The following RYR3 variants were observed in gnomAD, a reference collection of about 807,000 sequenced individuals.
The protein encoded by RYR3 is ryanodine receptor 3, also known as brain ryanodine receptor-calcium release channel.
In RYR3, 207 loss-of-function variants were observed where a neutral mutation model predicts 584.3. That is an observed-to-expected ratio of 0.35 (90% confidence interval 0.32 to 0.40). The LOEUF is 0.40. RYR3 is among the 10% of genes least tolerant of loss of function. RYR3 has a pLI of 1.00. For synonymous variants in RYR3, 2,416 were observed against 2,248.5 expected, an observed-to-expected ratio of 1.07 and a Z score of -2.11; for missense variants, 5,616 against 6,089.2, an observed-to-expected ratio of 0.92 and a Z score of 2.59.
intron 2 of RYR3, among the ~76,000 whole-genome samples, chr15:33,485,314 C>A (rs916897932): frequency 1.1e-4 from 16 of 152,036 alleles, no homozygotes; most frequent in African/African-American, 3.9e-4. Context: ...TAAAGACAAC[C>A]AATGAGGCAT....
At chr15:33,667,136 G>A (rs1321315436) in intron 36 of RYR3, among the ~76,000 whole-genome samples, 8 of 152,034 alleles carry the variant, frequency 5.3e-5, no homozygotes, top group Admixed American at 5.2e-4. Flanking sequence ...TAAGATCTTT[G>A]TGTAGAGTTC....
At chr15:33,811,510 CAA>C (rs34105459) in intron 72 of RYR3, among the ~76,000 whole-genome samples, 314 of 140,742 alleles carry the variant, frequency 2.2e-3, no homozygotes, top group African/African-American at 5.5e-3. Context: ...GACTCCGTCT[CAA>C]AAAAAAAAAA....
intron 38 of RYR3, among the ~76,000 whole-genome samples, chr15:33,681,654 C>T (rs1323604311): frequency 6.6e-6 from 1 of 152,220 alleles, no homozygotes; most frequent in Non-Finnish European, 1.5e-5. Context: ...GCTGACTTTT[C>T]AATCACTTAG....
intron 27 of RYR3, among the ~76,000 whole-genome samples, chr15:33,639,651 C>G (rs977485830): frequency 6.6e-6 from 1 of 152,194 alleles, no homozygotes. Flanking sequence ...CCAGTGGGAG[C>G]TGGGCCATGG....
rs546833009 is a variant in RYR3, at chr15:33,631,972, TCCTAGTA to T, written c.2867+682_2867+688del. Among the ~76,000 whole-genome samples, 8 of 152,250 alleles carry T rather than the reference TCCTAGTA, an allele frequency of 5.3e-5. No homozygotes were observed. The South Asian group carries it at 1.5e-3, about 28-fold the overall frequency. On this transcript the variant is annotated intron_variant, in intron 23 of 103. Transcript: ENST00000634891. ...CAAGATCCACTCTCACACACGCAAC[TCCTAGTA>T]CCAAGAAAAGCACATCTGACAGGCT...
In RYR3 at chr15:33,706,986, A is replaced by G. The variant is rs756509622; in HGVS notation, c.6551A>G (p.Asp2184Gly). The change falls in exon 43 of 104, where the codon GAT (aspartate) becomes GGT (glycine). Residue 2184 changes from aspartate to glycine, a missense_variant. Transcript: ENST00000634891. Reference protein sequence around the residue: ...CPMLLAKGYPDVGWNPIEGER... With the variant: ...CPMLLAKGYPGVGWNPIEGER... ...ATGCTTCTGGCCAAAGGATACCCTGATGTCGGCTGGAACCCCATTGAAGGG... is the reference window on the plus strand; with the variant it reads ...ATGCTTCTGGCCAAAGGATACCCTGGTGTCGGCTGGAACCCCATTGAAGGG... 1 of 1,613,858 alleles carries G rather than the reference A, an allele frequency of 6.2e-7. No individual in the cohort carries two copies. Among genetic ancestry groups the G allele is most frequent in the Non-Finnish European group, 8.5e-7 (1 of 1,179,920 alleles).
chr15:33,317,003 G>A (rs887431703), intron 1 of RYR3, among the ~76,000 whole-genome samples: 1 of 152,132 alleles, frequency 6.6e-6, no homozygotes, highest in African/African-American at 2.4e-5. Context: ...CAAGGCAGTG[G>A]GTGTGATAAT....
At chr15:33,518,702 T>C (rs2053732556) in intron 3 of RYR3, among the ~76,000 whole-genome samples, 1 of 152,204 alleles carries the variant, frequency 6.6e-6, no homozygotes, top group African/African-American at 2.4e-5. Flanking sequence ...AAAGGAGTTT[T>C]TTTGTTTAAC....
At chr15:33,773,690 A>G in intron 64 of RYR3, 75 bp downstream of exon 64, 1 of 970,924 alleles carries the variant, frequency 1.0e-6, no homozygotes, top group Non-Finnish European at 1.6e-6. Flanking sequence ...ACACTTAATG[A>G]TATCATTTCA....
rs377008103 is a variant in RYR3, at chr15:33,812,860, C to A, written c.10258-3C>A. The A allele has an allele frequency of 9.3e-6, 15 of 1,613,290 alleles. No individual in the cohort carries two copies. Among genetic ancestry groups the A allele is most frequent in the Non-Finnish European group, 1.3e-5 (15 of 1,179,566 alleles). ...CATCTTATGAGTATGCTTCAATTTT[C>A]AGTCTGATGACCCAGCTGTAAAATG... On this transcript the variant is annotated splice_polypyrimidine_tract_variant and splice_region_variant and intron_variant, in intron 72 of 103. Coordinates refer to ENST00000634891, the MANE Select transcript of RYR3 (RefSeq NM_001036.6).
chr15:33,774,839 C>T (rs2073882027), intron 64 of RYR3, among the ~76,000 whole-genome samples: 1 of 152,080 alleles, frequency 6.6e-6, no homozygotes, highest in Non-Finnish European at 1.5e-5. Context: ...GAAAAATCAA[C>T]CAAAAATTTT....
chr15:33,788,983 T>G (rs1008871098), intron 67 of RYR3, among the ~76,000 whole-genome samples: 1 of 152,100 alleles, frequency 6.6e-6, no homozygotes, highest in Admixed American at 6.5e-5. Flanking sequence ...GTTGTGTTTT[T>G]AGATAGAATG....
At chr15:33,723,282 CAGA>C (rs2068085275) in intron 44 of RYR3, among the ~76,000 whole-genome samples, 1 of 152,226 alleles carries the variant, frequency 6.6e-6, no homozygotes, top group African/African-American at 2.4e-5. Context: ...TTTGTAAAAA[CAGA>C]TAGTGCCTCC....
chr15:33,801,761 C>T (rs550191525), intron 68 of RYR3, 108 bp from the exon 69 acceptor site: 1 of 636,990 alleles, frequency 1.6e-6, no homozygotes, highest in East Asian at 2.7e-5. Flanking sequence ...TTGGAATCAC[C>T]TCGGCTGAGA....
chr15:33,314,827 C>T (rs1317969795), intron 1 of RYR3, among the ~76,000 whole-genome samples: 2 of 151,920 alleles, frequency 1.3e-5, no homozygotes, highest in Admixed American at 6.6e-5. Context: ...GGCGGGAGAA[C>T]GGCGTGAGCC....
intron 3 of RYR3, among the ~76,000 whole-genome samples, chr15:33,527,133 A>G (rs2054457078): frequency 1.3e-5 from 2 of 152,166 alleles, no homozygotes; most frequent in African/African-American, 4.8e-5. Flanking sequence ...CAGGTCATAC[A>G]GGGCAGTGAT....
At chr15:33,515,493 A>G (rs1387738832) in intron 3 of RYR3, among the ~76,000 whole-genome samples, 1 of 152,272 alleles carries the variant, frequency 6.6e-6, no homozygotes, top group Non-Finnish European at 1.5e-5. Flanking sequence ...CCTGTTGTAT[A>G]TGGAATGCCA....
intron 1 of RYR3, among the ~76,000 whole-genome samples, chr15:33,370,511 G>A (rs2040255075): frequency 6.6e-6 from 1 of 152,178 alleles, no homozygotes; most frequent in Non-Finnish European, 1.5e-5. Context: ...AAAGAATGCT[G>A]ACTCCCAGTT....
chr15:33,451,722 T>C lies in RYR3; in HGVS notation c.52-21697T>C, dbSNP rs185553109. ...TGGAATCCCATGCAAAGTGAGAGACTAAAAAAGTTGAAGCCTGAAAATTTG... is the reference window on the plus strand; with the variant it reads ...TGGAATCCCATGCAAAGTGAGAGACCAAAAAAGTTGAAGCCTGAAAATTTG... On this transcript the variant is annotated intron_variant, in intron 1 of 103. Transcript: ENST00000634891. 1.1e-4 allele frequency among the ~76,000 whole-genome samples: 17 copies of C among 152,316 alleles called. No homozygotes were observed. The East Asian group carries it at 3.3e-3, about 29-fold the overall frequency.
Sources: allele counts gnomAD v4.1 joint callset (sites outside exome capture counted in the v4.1 genomes callset), GRCh38; gene constraint gnomAD v4.1.1; transcripts MANE v1.5; gene names NCBI Gene and HGNC (gene_info 2026-07-23, HGNC 2026-07-21).